Variants in FILIP1L observed in about 807,000 individuals in gnomAD.
FILIP1L encodes filamin A-interacting protein 1-like.
A neutral mutation model predicts 96.6 loss-of-function variants in FILIP1L; 55 were observed. The observed-to-expected ratio is 0.57, with a 90% CI of 0.46 to 0.71. FILIP1L has a LOEUF of 0.71. Among genes scored for constraint, FILIP1L ranks in the 30% least tolerant of loss-of-function variants. The probability of loss-of-function intolerance (pLI) is 0.00; values close to 1 mark genes in which losing one functional copy is unlikely to be tolerated. For missense variants in FILIP1L, 1,304 were observed against 1,321.2 expected (o/e 0.99, Z 0.20); for synonymous variants, 467 against 473.9 (o/e 0.99, Z 0.19).
intron 1 of FILIP1L, among the ~76,000 whole-genome samples, chr3:100,024,940 C>A (rs545002912): frequency 6.6e-6 from 1 of 152,292 alleles, no homozygotes; most frequent in Admixed American, 6.5e-5. Flanking sequence ...ATGTGCTTGT[C>A]TGACTGCTGC....
chr3:100,106,997 T>C (rs1307722251), intron 1 of FILIP1L, among the ~76,000 whole-genome samples: 1 of 152,210 alleles, frequency 6.6e-6, no homozygotes, highest in Non-Finnish European at 1.5e-5. Flanking sequence ...AATGTGTGTC[T>C]GACCTAACTC....
Position 100,094,807 on chromosome 3 carries a change from C to G in FILIP1L, c.-11+19246G>C, listed in dbSNP as rs572763534. On this transcript the variant is annotated intron_variant, in intron 1 of 5. Transcript: ENST00000477258. ...CATGCCATTCTCCTGCCTCAGCCTC[C>G]CAAGTAGCTGGGACTACAGGCACCT... 9.2e-5 allele frequency among the ~76,000 whole-genome samples: 14 copies of G among 151,540 alleles called. 1 individual carries two copies. The highest frequency in any genetic ancestry group is 3.9e-4 in the Admixed American group (6 of 15,192).
intron 1 of FILIP1L, among the ~76,000 whole-genome samples, chr3:100,103,486 T>C (rs1439044600): frequency 2.0e-5 from 3 of 152,216 alleles, no homozygotes; most frequent in Non-Finnish European, 4.4e-5. Flanking sequence ...TAACTGAAGA[T>C]CTAGAGTCTT....
At chr3:100,078,948 A>G (rs1474154681) in intron 1 of FILIP1L, among the ~76,000 whole-genome samples, 3 of 152,106 alleles carry the variant, frequency 2.0e-5, no homozygotes, top group Non-Finnish European at 4.4e-5. Context: ...AAAGTTCACT[A>G]ATTTGTGTTG....
intron 1 of FILIP1L, chr3:100,040,376 G>A (rs192750135): frequency 9.3e-4 from 142 of 152,198 alleles, no homozygotes; most frequent in African/African-American, 3.3e-3. Flanking sequence ...CTCTCCCCGA[G>A]AATCATTTGT....
chr3:99,992,515 G>A (rs965510979), intron 1 of FILIP1L, among the ~76,000 whole-genome samples: 1 of 151,580 alleles, frequency 6.6e-6, no homozygotes, highest in Non-Finnish European at 1.5e-5. Flanking sequence ...GGGGTTATTT[G>A]GTTTTTTTCT....
At chr3:100,105,603 T>A (rs1169177092) in intron 1 of FILIP1L, among the ~76,000 whole-genome samples, 1 of 152,158 alleles carries the variant, frequency 6.6e-6, no homozygotes, top group Non-Finnish European at 1.5e-5. Context: ...TGATAAGGTA[T>A]TTCCTAGAGA....
intron 1 of FILIP1L, among the ~76,000 whole-genome samples, chr3:100,065,280 C>A (rs908095366): frequency 6.6e-6 from 1 of 152,126 alleles, no homozygotes; most frequent in Non-Finnish European, 1.5e-5. Flanking sequence ...CCAGATAATG[C>A]TTTTTCCTGC....
chr3:99,968,949 C>G (rs1345323544), intron 1 of FILIP1L, among the ~76,000 whole-genome samples: 1 of 134,442 alleles, frequency 7.4e-6, no homozygotes, highest in East Asian at 2.2e-4. Context: ...GGGTGCAACC[C>G]AGGTTCAAGA....
At chr3:99,935,758 A>C (rs1707645456) in intron 1 of FILIP1L, among the ~76,000 whole-genome samples, 1 of 152,220 alleles carries the variant, frequency 6.6e-6, no homozygotes, top group African/African-American at 2.4e-5. Flanking sequence ...TGCAGTTGGC[A>C]GTGAGAAGTA....
chr3:100,094,878 C>T (rs573713182), intron 1 of FILIP1L, among the ~76,000 whole-genome samples: 4 of 151,674 alleles, frequency 2.6e-5, no homozygotes, highest in East Asian at 1.9e-4. Flanking sequence ...TTAGTAGAGA[C>T]GGGGTTTTAT....
At chr3:100,095,539 A>T (rs1278982951) in intron 1 of FILIP1L, among the ~76,000 whole-genome samples, 1 of 152,194 alleles carries the variant, frequency 6.6e-6, no homozygotes, top group East Asian at 1.9e-4. Context: ...TCTCCAATAA[A>T]TGGTGCTAGG....
chr3:99,936,293 A>G (rs1338304100), intron 1 of FILIP1L, among the ~76,000 whole-genome samples: 1 of 150,824 alleles, frequency 6.6e-6, no homozygotes, highest in Non-Finnish European at 1.5e-5. Flanking sequence ...ATTACTTATC[A>G]TATACAAGCC....
intron 1 of FILIP1L, among the ~76,000 whole-genome samples, chr3:99,991,871 TAC>T (rs1273303758): frequency 6.7e-6 from 1 of 149,958 alleles, no homozygotes; most frequent in African/African-American, 2.5e-5. Flanking sequence ...TGTATATATA[TAC>T]ACACATATAT....
intron 1 of FILIP1L, among the ~76,000 whole-genome samples, chr3:99,981,792 T>A (rs577089596): frequency 7.9e-5 from 12 of 152,304 alleles, no homozygotes; most frequent in African/African-American, 2.9e-4. Flanking sequence ...TAGGTGTTTA[T>A]TCACACATGC....
At chr3:99,944,282 G>T (rs1245258163) in intron 1 of FILIP1L, among the ~76,000 whole-genome samples, 2 of 152,174 alleles carry the variant, frequency 1.3e-5, no homozygotes, top group Non-Finnish European at 2.9e-5. Flanking sequence ...TTGTTTAGTA[G>T]AGAGGTGATA....
intron 3 of FILIP1L, among the ~76,000 whole-genome samples, chr3:99,924,862 T>G (rs1441798719): frequency 3.9e-5 from 6 of 152,344 alleles, no homozygotes; most frequent in African/African-American, 1.2e-4. Flanking sequence ...GTTTATTCTC[T>G]TGTTAATTGA....
At chr3:99,910,061 C>A (rs1274455251) in intron 4 of FILIP1L, among the ~76,000 whole-genome samples, 1 of 135,546 alleles carries the variant, frequency 7.4e-6, no homozygotes, top group African/African-American at 2.5e-5. Context: ...GGGGTCAGCT[C>A]ACCCTCATTG....
intron 1 of FILIP1L, among the ~76,000 whole-genome samples, chr3:100,031,383 C>T (rs2065019551): frequency 1.3e-5 from 2 of 152,036 alleles, no homozygotes; most frequent in South Asian, 4.1e-4. Context: ...CGTTTCCACT[C>T]ATCCTGGATT....
Sources: gnomAD v4.1 joint callset for allele counts (sites outside exome capture counted in the v4.1 genomes callset) on GRCh38, gnomAD v4.1.1 for gene constraint, MANE v1.5 for transcripts, NCBI Gene and HGNC (gene_info 2026-07-23, HGNC 2026-07-21) for gene names.